The following DHX8 variants were observed in gnomAD, a reference collection of about 807,000 sequenced individuals.
DHX8 encodes DEAH-box helicase 8.
A neutral mutation model predicts 140.7 loss-of-function variants in DHX8; 67 were observed. That is an observed-to-expected ratio of 0.48 (90% CI 0.39 to 0.58). DHX8 has a LOEUF of 0.58. Among genes scored for constraint, DHX8 ranks in the 20% least tolerant of loss-of-function variants. The pLI, the probability that DHX8 is intolerant of heterozygous loss-of-function variation, is 0.00. For missense variants in DHX8, 887 were observed against 1,550.7 expected, an observed-to-expected ratio of 0.57 and a Z score of 7.19; for synonymous variants, 533 against 553.2, an observed-to-expected ratio of 0.96 and a Z score of 0.51.
chr17:43,485,749 T>C (rs370291619), intron 1 of DHX8, among the ~76,000 whole-genome samples: 64 of 152,394 alleles, frequency 4.2e-4, no homozygotes, highest in African/African-American at 1.5e-3. Context: ...TTAATTGTTT[T>C]GATGTTAACT....
chr17:43,515,998 G>A (rs1970096529), intron 17 of DHX8, among the ~76,000 whole-genome samples: 3 of 151,736 alleles, frequency 2.0e-5, no homozygotes, highest in Admixed American at 2.0e-4. Flanking sequence ...AAAAAAATCA[G>A]TGTTTTTGAA....
intron 2 of DHX8, chr17:43,532,788 G>A (rs1185471693): frequency 6.2e-7 from 1 of 1,614,034 alleles, no homozygotes; most frequent in South Asian, 1.1e-5. Context: ...TGTTCATACA[G>A]GGGATCATGG....
intron 3 of DHX8, among the ~76,000 whole-genome samples, chr17:43,542,851 A>G (rs1359542878): frequency 6.6e-6 from 1 of 152,054 alleles, no homozygotes; most frequent in Non-Finnish European, 1.5e-5. Flanking sequence ...CAAACTGAGA[A>G]AGGGAGGTTG....
At position 43,492,797 on chromosome 17, in the gene DHX8, G is replaced by A. The variant is rs148649301; in HGVS notation, c.620G>A (p.Arg207Gln). The change falls in exon 6 of 23, where the codon CGA becomes CAA. Residue 207 changes from arginine (R) to glutamine (Q), a missense_variant. Arg to Gln is a conservative substitution (Grantham distance 43). Around this residue, in one of 9 missense-constraint regions of DHX8, gnomAD observed 304 missense variants for 306.9 expected, o/e 0.99. Transcript: ENST00000262415. ...AAGCGGAGACACCGATCCCGCTCTC[G>A]ATCACGTTCCAGGACCCGGGAGAGG... ...DHKRRHRSRS[R>Q]SRSRTRERNK... 71 of 1,614,014 alleles carry A rather than the reference G, an allele frequency of 4.4e-5. No homozygotes were observed. The highest frequency in any genetic ancestry group is 1.6e-4 in the Middle Eastern group (1 of 6,084).
At chr17:43,534,122 T>G in intron 2 of DHX8, 1 of 927,486 alleles carries the variant, frequency 1.1e-6, no homozygotes, top group Non-Finnish European at 1.5e-6. Context: ...ATCAATTTTC[T>G]GAGACCCGCA....
intron 17 of DHX8, among the ~76,000 whole-genome samples, chr17:43,514,005 G>A (rs1218055712): frequency 3.4e-5 from 5 of 149,246 alleles, no homozygotes; most frequent in African/African-American, 9.8e-5. Context: ...GAGCCACCAC[G>A]CCCGGCCCTT....
chr17:43,534,682 G>A (rs985167547), intron 2 of DHX8, among the ~76,000 whole-genome samples: 4 of 152,044 alleles, frequency 2.6e-5, no homozygotes, highest in Admixed American at 1.3e-4. Context: ...GCTCACGCCT[G>A]TAATCCCAGC....
chr17:43,495,256 T>C (rs75921771), intron 8 of DHX8, among the ~76,000 whole-genome samples: 1 of 152,276 alleles, frequency 6.6e-6, no homozygotes, highest in African/African-American at 2.4e-5. Context: ...TCTAAACAAA[T>C]AATTGTGAGG....
At chr17:43,531,610 A>C (rs1970940034), downstream of DHX8, among the ~76,000 whole-genome samples, 1 of 152,206 alleles carries the variant, frequency 6.6e-6, no homozygotes, top group Non-Finnish European at 1.5e-5. Context: ...AGGCTGAAGC[A>C]TGAGAATCGC....
intron 16 of DHX8, among the ~76,000 whole-genome samples, chr17:43,509,588 A>T (rs370625751): frequency 6.6e-6 from 1 of 151,128 alleles, no homozygotes; most frequent in African/African-American, 2.4e-5. Flanking sequence ...GGCTCAAGTG[A>T]TCCTCCTGCC....
At chr17:43,513,642 A>AT (rs1477499966) in intron 17 of DHX8, 140 bp downstream of exon 17, 4 of 609,948 alleles carry the variant, frequency 6.6e-6, no homozygotes, top group African/African-American at 2.0e-5. Flanking sequence ...TGAGGGAAGG[A>AT]TTTTTTGTTA....
intron 16 of DHX8, among the ~76,000 whole-genome samples, chr17:43,511,851 CAAA>C (rs1210970204): frequency 0.15 from 10,306 of 67,602 alleles, 399 homozygotes; most frequent in East Asian, 0.44. Context: ...CCTATCTCTA[CAAA>C]AAAAAAAAAA....
At chr17:43,521,265 A>T in intron 20 of DHX8, 104 bp from the exon 21 acceptor site, 2 of 932,354 alleles carry the variant, frequency 2.1e-6, no homozygotes, top group Non-Finnish European at 3.2e-6. Flanking sequence ...GCCTAGCCTG[A>T]TGTGGACACT....
At chr17:43,487,970 G>A (rs906915134) in intron 1 of DHX8, among the ~76,000 whole-genome samples, 1 of 150,646 alleles carries the variant, frequency 6.6e-6, no homozygotes, top group Non-Finnish European at 1.5e-5. Flanking sequence ...GAGTGAGACT[G>A]TTAAAAAAAA....
exon 3 of DHX8, chr17:43,536,461 T>C (rs1971247469): frequency 6.2e-7 from 1 of 1,614,094 alleles, no homozygotes; most frequent in African/African-American, 1.3e-5. Flanking sequence ...AAACTGCTCA[T>C]CACTGTCTGG....
intron 3 of DHX8, among the ~76,000 whole-genome samples, chr17:43,538,809 C>T (rs1049905800): frequency 6.6e-6 from 1 of 152,084 alleles, no homozygotes; most frequent in Non-Finnish European, 1.5e-5. Context: ...CTGGACTCTC[C>T]TTCCCTGGAG....
In DHX8 at chr17:43,493,756, A is replaced by G; in HGVS notation, c.1082A>G (p.Glu361Gly). The change falls in exon 8 of 23, where the codon GAG becomes GGG. Residue 361 changes from glutamate to glycine, a missense_variant. Glu to Gly is a moderately conservative substitution (Grantham distance 98). Around this residue, in one of 9 missense-constraint regions of DHX8, gnomAD observed 98 missense variants for 152.7 expected, o/e 0.64. Coordinates refer to ENST00000262415, the MANE Select transcript of DHX8 (RefSeq NM_004941.3). ...RRNLVGETNE[E>G]TSMRNPDRPT... ...AATCTTGTCGGGGAGACCAATGAGG[A>G]GACCTCAATGCGGAATCCTGATAGA... The G allele has an allele frequency of 6.2e-7, 1 of 1,614,234 alleles. No individual in the cohort carries two copies. Among genetic ancestry groups the G allele is most frequent in the Non-Finnish European group, 8.5e-7 (1 of 1,180,048 alleles).
At chr17:43,528,501 G>A, downstream of DHX8, 5 of 1,543,672 alleles carry the variant, frequency 3.2e-6, no homozygotes, top group Non-Finnish European at 4.4e-6. Flanking sequence ...CTGCGGCAGG[G>A]GGAACAGCCG....
chr17:43,544,072 T>G (rs977701599), intron 3 of DHX8: 1 of 152,208 alleles, frequency 6.6e-6, no homozygotes, highest in Non-Finnish European at 1.5e-5. Context: ...TTCTTCATTT[T>G]CATAGTGTTA....
Sources: allele counts gnomAD v4.1 joint callset (sites outside exome capture counted in the v4.1 genomes callset), GRCh38; gene constraint gnomAD v4.1.1; regional missense constraint gnomAD v4.1.1; transcripts MANE v1.5; gene names NCBI Gene and HGNC (gene_info 2026-07-23, HGNC 2026-07-21).